TNFRSF8: variants seen among roughly 807,000 people sequenced by gnomAD.
The protein encoded by TNFRSF8 is tumor necrosis factor receptor superfamily member 8.
A neutral mutation model predicts 70.8 loss-of-function variants in TNFRSF8; 26 were observed. The ratio of observed to expected loss-of-function variants is 0.37; its 90% CI spans 0.27 to 0.51. TNFRSF8 has a LOEUF of 0.51. Among genes scored for constraint, TNFRSF8 ranks in the 20% least tolerant of loss-of-function variants. The pLI is 0.94. For missense variants in TNFRSF8, 720 were observed against 807.9 expected (o/e 0.89, Z 1.32); for synonymous variants, 356 against 339.2 (o/e 1.05, Z -0.54).
intron 1 of TNFRSF8, among the ~76,000 whole-genome samples, chr1:12,064,837 C>G (rs947673978): frequency 6.6e-6 from 1 of 152,188 alleles, no homozygotes; most frequent in African/African-American, 2.4e-5. Flanking sequence ...TCTGCAAGCC[C>G]TCACCTGGGG....
Position 12,063,619 on chromosome 1 carries a change from G to T in TNFRSF8, c.21G>T (p.Ala7=), listed in dbSNP as rs775566218. 2 of 1,299,144 alleles carry T rather than the reference G, an allele frequency of 1.5e-6. No homozygotes were observed. The highest frequency in any genetic ancestry group is 1.5e-5 in the African/African-American group (1 of 64,832). The allele number at this position is 1,299,144 out of a possible 1,614,324, so 80.5% of individuals were successfully genotyped here. Reference sequence around the variant, plus strand: ...CGGGGATGCGCGTCCTCCTCGCCGCGCTGGGACTGCTGTTCCTGGGGGCGC... The same window carrying T: ...CGGGGATGCGCGTCCTCCTCGCCGCTCTGGGACTGCTGTTCCTGGGGGCGC... The part of the protein sequence containing the change: MRVLLA[A]LGLLFLGALR... Residue 7 remains alanine, a synonymous_variant, in exon 1 of 15, where the codon GCG becomes GCT. Transcript: ENST00000263932. The surrounding 1 kb of genome is among the most constrained non-coding windows in gnomAD (Gnocchi z 7.2).
intron 2 of TNFRSF8, among the ~76,000 whole-genome samples, chr1:12,087,124 TCCA>T: frequency 8.6e-6 from 1 of 116,720 alleles, no homozygotes; most frequent in African/African-American, 3.1e-5. Context: ...CATCCATCCA[TCCA>T]TCATCCATCC....
At chr1:12,115,537 A>G in intron 7 of TNFRSF8, 40 bp from the exon 8 acceptor site, 6 of 1,613,708 alleles carry the variant, frequency 3.7e-6, no homozygotes, top group Non-Finnish European at 1.7e-6. Flanking sequence ...TGCCCTTGCC[A>G]TACTGATCTT....
rs915914003 is a variant in TNFRSF8, at chr1:12,108,377, G to A, written c.422-1189G>A. ...ACAGGTGTGAGCCACCGTGCCTGGCGACATACGGGTCACCTTCTAAGTGTT... is the reference window on the plus strand; with the variant it reads ...ACAGGTGTGAGCCACCGTGCCTGGCAACATACGGGTCACCTTCTAAGTGTT... On this transcript the variant is annotated intron_variant, in intron 4 of 14. Transcript: ENST00000263932. The surrounding 1 kb of genome is among the most constrained non-coding windows in gnomAD (Gnocchi z 4.0). Among the ~76,000 whole-genome samples the A allele has an allele frequency of 5.3e-5, 8 of 152,044 alleles. No individual in the cohort carries two copies. Among genetic ancestry groups the A allele is most frequent in the Non-Finnish European group, 5.9e-5 (4 of 67,966 alleles).
At position 12,123,374 on chromosome 1, in the gene TNFRSF8, C is replaced by A; in HGVS notation, c.1037C>A (p.Ala346Asp). ...ACCCCAGAGAATGGCGAGGCGCCTGCCAGGTGACTCCCCCACCCCTTCTCT... is the reference window on the plus strand; with the variant it reads ...ACCCCAGAGAATGGCGAGGCGCCTGACAGGTGACTCCCCCACCCCTTCTCT... Reference protein sequence around the residue: ...NPTPENGEAPASTSPTQSLLV... With the variant: ...NPTPENGEAPDSTSPTQSLLV... Residue 346 changes from alanine (A) to aspartate (D), a missense_variant, in exon 9 of 15, where the codon GCC (alanine) becomes GAC (aspartate). Physicochemically the swap from Ala to Asp is moderately radical, Grantham distance 126. Coordinates refer to ENST00000263932, the MANE Select transcript of TNFRSF8 (RefSeq NM_001243.5). 1 of 1,605,916 alleles carries A rather than the reference C, an allele frequency of 6.2e-7. No individual in the cohort carries two copies.
intron 1 of TNFRSF8, among the ~76,000 whole-genome samples, chr1:12,064,231 A>G (rs1472337150): frequency 2.6e-5 from 4 of 152,074 alleles, no homozygotes; most frequent in Non-Finnish European, 5.9e-5. Flanking sequence ...AACGCTGTGG[A>G]TTGAATTCGC....
At chr1:12,117,040 T>A (rs1284212757) in intron 8 of TNFRSF8, among the ~76,000 whole-genome samples, 1 of 152,188 alleles carries the variant, frequency 6.6e-6, no homozygotes, top group Non-Finnish European at 1.5e-5. Flanking sequence ...CTGACCAGTT[T>A]GCACAGATGA....
chr1:12,094,058 C>CAAAAAAAAAAAAAAAAAAAAAAAAAA (rs778868213), intron 2 of TNFRSF8, among the ~76,000 whole-genome samples: 1 of 84,678 alleles, frequency 1.2e-5, no homozygotes, highest in South Asian at 4.7e-4. Context: ...GACTTTGTCT[C>CAAAAAAAAAAAAAAAAAAAAAAAAAA]AAAAAAAAAA....
chr1:12,066,850 G>A (rs1341825310), intron 1 of TNFRSF8, among the ~76,000 whole-genome samples: 1 of 142,256 alleles, frequency 7.0e-6, no homozygotes, highest in East Asian at 2.1e-4. Flanking sequence ...ATGGGGTTTC[G>A]TCATGTTGGT....
intron 7 of TNFRSF8, among the ~76,000 whole-genome samples, chr1:12,114,376 T>A (rs1241781625): frequency 6.6e-6 from 1 of 152,168 alleles, no homozygotes; most frequent in Non-Finnish European, 1.5e-5. Context: ...TTGTCCCAAA[T>A]GGTTTCATTC....
At chr1:12,140,167 G>A (rs899331119) in intron 14 of TNFRSF8, among the ~76,000 whole-genome samples, 2 of 152,232 alleles carry the variant, frequency 1.3e-5, no homozygotes, top group African/African-American at 4.8e-5. Context: ...CAGGCAGCTG[G>A]CTCAGGTGTG....
chr1:12,071,095 A>G (rs1640835912), intron 1 of TNFRSF8, among the ~76,000 whole-genome samples: 1 of 152,142 alleles, frequency 6.6e-6, no homozygotes, highest in South Asian at 2.1e-4. Context: ...TTTTGCTGCT[A>G]TAGCAAATTA....
At chr1:12,133,979 G>T (rs1303739099) in intron 12 of TNFRSF8, among the ~76,000 whole-genome samples, 2 of 152,190 alleles carry the variant, frequency 1.3e-5, no homozygotes, top group Non-Finnish European at 2.9e-5. Context: ...GGCAGAGGTT[G>T]CAGTGAGCCA....
In TNFRSF8 at chr1:12,115,806, G is replaced by T; in HGVS notation, c.946+77G>T. 2.6e-6 allele frequency: 4 copies of T among 1,532,144 alleles called. No homozygotes were observed. In the South Asian group the frequency reaches 3.5e-5, roughly 13 times the overall value. 94.9% of individuals were successfully genotyped at this position (1,532,144 alleles called of 1,614,324 possible). ...ACTGTTGTGCCTCTCCCCACCAACA[G>T]CCAGGGGTGGAGGCAAATGACCTAC... On this transcript the variant is annotated intron_variant, in intron 8 of 14. Transcript: ENST00000263932.
intron 8 of TNFRSF8, among the ~76,000 whole-genome samples, chr1:12,116,431 T>G (rs1018553590): frequency 1.1e-4 from 16 of 152,336 alleles, no homozygotes; most frequent in Middle Eastern, 6.8e-3. Context: ...TGTTGTTGTT[T>G]TTTGTTTTTT....
intron 1 of TNFRSF8, among the ~76,000 whole-genome samples, chr1:12,073,934 G>A (rs867402780): frequency 6.6e-6 from 1 of 152,054 alleles, no homozygotes; most frequent in African/African-American, 2.4e-5. Flanking sequence ...GTCCCGTGGC[G>A]GCTGTTGCTG....
intron 1 of TNFRSF8, among the ~76,000 whole-genome samples, chr1:12,083,767 G>A (rs1641105126): frequency 6.6e-6 from 1 of 152,236 alleles, no homozygotes; most frequent in Admixed American, 6.5e-5. Flanking sequence ...GCAATGGACA[G>A]AAATGAGCAA....
chr1:12,094,124 T>G, intron 2 of TNFRSF8, among the ~76,000 whole-genome samples: 1 of 148,472 alleles, frequency 6.7e-6, no homozygotes, highest in East Asian at 2.1e-4. Flanking sequence ...ATTATAGGCG[T>G]GAGCCACCGC....
chr1:12,099,334 G>A (rs1257361683), intron 3 of TNFRSF8, among the ~76,000 whole-genome samples: 2 of 151,940 alleles, frequency 1.3e-5, no homozygotes, highest in African/African-American at 2.4e-5. Context: ...TAGAAGAGAT[G>A]GGGTTTCATC....
Sources: gnomAD v4.1 joint callset for allele counts (sites outside exome capture counted in the v4.1 genomes callset) on GRCh38, gnomAD v4.1.1 for gene constraint, Gnocchi (gnomAD v3.1) non-coding constraint, MANE v1.5 for transcripts, NCBI Gene and HGNC (gene_info 2026-07-23, HGNC 2026-07-21) for gene names.